Variants in HCRTR2 observed in about 807,000 individuals in gnomAD.
HCRTR2 encodes hypocretin receptor 2.
In HCRTR2, 22 loss-of-function variants were observed where a neutral mutation model predicts 49.0. The observed-to-expected ratio is 0.45, with a 90% CI of 0.32 to 0.64. The LOEUF (loss-of-function observed/expected upper bound fraction) is 0.64, where lower values mean the gene tolerates loss of function less well. Among genes scored for constraint, HCRTR2 ranks in the 30% least tolerant of loss-of-function variants. The pLI is 0.04. For missense variants in HCRTR2, 491 were observed against 559.4 expected (o/e 0.88, Z 1.23); for synonymous variants, 236 against 205.3 (o/e 1.15, Z -1.28).
intron 1 of HCRTR2, among the ~76,000 whole-genome samples, chr6:55,234,192 CA>C (rs1766170827): frequency 6.6e-6 from 1 of 152,114 alleles, no homozygotes; most frequent in Admixed American, 6.5e-5. Context: ...TCTCCAGGAT[CA>C]GATATTAATG....
intron 1 of HCRTR2, among the ~76,000 whole-genome samples, chr6:55,145,497 G>C (rs1764568266): frequency 6.6e-6 from 1 of 150,460 alleles, no homozygotes; most frequent in African/African-American, 2.4e-5. Context: ...TGCAAGCTCC[G>C]CCTCCCGGGT....
intron 1 of HCRTR2, among the ~76,000 whole-genome samples, chr6:55,112,560 A>C (rs1262765803): frequency 6.6e-6 from 1 of 151,668 alleles, no homozygotes; most frequent in Non-Finnish European, 1.5e-5. Context: ...AAAAAAAAAA[A>C]AAAAAACCTT....
At chr6:55,263,021 G>A (rs889623113) in intron 3 of HCRTR2, among the ~76,000 whole-genome samples, 1 of 151,392 alleles carries the variant, frequency 6.6e-6, no homozygotes, top group East Asian at 1.9e-4. Flanking sequence ...ATGTTATAAA[G>A]CCTTAAAATT....
At chr6:55,234,532 A>G (rs1766178360) in intron 1 of HCRTR2, among the ~76,000 whole-genome samples, 1 of 152,176 alleles carries the variant, frequency 6.6e-6, no homozygotes, top group Non-Finnish European at 1.5e-5. Context: ...ATCCTAAAGA[A>G]GGCATCAAAT....
intron 1 of HCRTR2, among the ~76,000 whole-genome samples, chr6:55,111,316 AG>A (rs1412908534): frequency 6.6e-6 from 1 of 151,966 alleles, no homozygotes; most frequent in East Asian, 1.9e-4. Context: ...GAAATAACAA[AG>A]ATCTGAGCAG....
chr6:55,196,934 T>C (rs1309780226), intron 1 of HCRTR2, among the ~76,000 whole-genome samples: 1 of 152,090 alleles, frequency 6.6e-6, no homozygotes, highest in African/African-American at 2.4e-5. Context: ...CTCAGTAACC[T>C]CAAATTTACC....
At chr6:55,279,114 T>G (rs1191761628) in intron 5 of HCRTR2, among the ~76,000 whole-genome samples, 2 of 152,066 alleles carry the variant, frequency 1.3e-5, no homozygotes, top group Admixed American at 6.6e-5. Context: ...TTTCAAGTTT[T>G]GGGGCATTCT....
intron 1 of HCRTR2, among the ~76,000 whole-genome samples, chr6:55,161,891 T>C (rs954699982): frequency 6.6e-6 from 1 of 152,108 alleles, no homozygotes; most frequent in Non-Finnish European, 1.5e-5. Flanking sequence ...CACAGCCAAA[T>C]TCTACAAGAG....
At chr6:55,270,933 T>C (rs1287936841) in intron 4 of HCRTR2, among the ~76,000 whole-genome samples, 5 of 152,196 alleles carry the variant, frequency 3.3e-5, no homozygotes, top group Admixed American at 6.5e-5. Context: ...TCTGTGTTTA[T>C]GGATTGGAAG....
intron 1 of HCRTR2, among the ~76,000 whole-genome samples, chr6:55,147,946 T>C (rs1283368878): frequency 6.7e-6 from 1 of 148,442 alleles, no homozygotes; most frequent in South Asian, 2.1e-4. Context: ...ATGTCATTGA[T>C]GTTTCCAATG....
intron 1 of HCRTR2, among the ~76,000 whole-genome samples, chr6:55,161,110 G>T (rs1581800686): frequency 1.3e-5 from 2 of 152,024 alleles, no homozygotes; most frequent in Non-Finnish European, 2.9e-5. Context: ...AAATGCCAAA[G>T]AACTAAAATC....
chr6:55,127,255 C>A (rs1012435742), intron 1 of HCRTR2, among the ~76,000 whole-genome samples: 1 of 152,114 alleles, frequency 6.6e-6, no homozygotes, highest in African/African-American at 2.4e-5. Context: ...ATGGGAGAAG[C>A]ACAGTATCTG....
At position 55,257,068 on chromosome 6, in the gene HCRTR2, A is replaced by G. The variant is rs1322286583; in HGVS notation, c.646+1689A>G. 3.9e-5 allele frequency among the ~76,000 whole-genome samples: 6 copies of G among 152,282 alleles called. No individual in the cohort carries two copies. In the South Asian group the frequency reaches 1.2e-3, roughly 32 times the overall value. The stretch of plus-strand genomic sequence containing the variant: ...ACTGAGAAGAGGGAAAAGGATGTCC[A>G]GAAAGCAAGAAAATCCACATCATGG... On this transcript the variant is annotated intron_variant, in intron 3 of 6. Transcript: ENST00000370862.
At chr6:55,245,501 A>ATC (rs1314487091) in intron 1 of HCRTR2, among the ~76,000 whole-genome samples, 16 of 128,842 alleles carry the variant, frequency 1.2e-4, no homozygotes, top group African/African-American at 1.2e-4. Context: ...ATATATATAT[A>ATC]TATATCTTCC....
At chr6:55,153,733 G>A (rs988405982) in intron 1 of HCRTR2, among the ~76,000 whole-genome samples, 1 of 151,298 alleles carries the variant, frequency 6.6e-6, no homozygotes, top group African/African-American at 2.4e-5. Context: ...TCAAAACTAG[G>A]GAAAACAGAC....
At chr6:55,193,098 C>G (rs1368422922) in intron 1 of HCRTR2, among the ~76,000 whole-genome samples, 1 of 152,118 alleles carries the variant, frequency 6.6e-6, no homozygotes, top group Non-Finnish European at 1.5e-5. Context: ...TTCATGTGTT[C>G]ACTCATTCAT....
chr6:55,245,389 A>G (rs1033371511), intron 1 of HCRTR2, among the ~76,000 whole-genome samples: 2 of 139,780 alleles, frequency 1.4e-5, no homozygotes, highest in African/African-American at 5.6e-5. Flanking sequence ...ATATATATGT[A>G]TATATATATA....
intron 1 of HCRTR2, among the ~76,000 whole-genome samples, chr6:55,158,002 C>T (rs1322365277): frequency 1.3e-5 from 2 of 152,126 alleles, no homozygotes; most frequent in African/African-American, 4.8e-5. Flanking sequence ...TAAGACCATC[C>T]AGGAGGTGGC....
At chr6:55,160,871 C>T (rs750151642) in intron 1 of HCRTR2, among the ~76,000 whole-genome samples, 6 of 152,020 alleles carry the variant, frequency 3.9e-5, no homozygotes, top group South Asian at 2.1e-4. Flanking sequence ...TAGACTCCCA[C>T]GTAATAATAG....
Sources: gnomAD v4.1 joint callset for allele counts (sites outside exome capture counted in the v4.1 genomes callset) on GRCh38, gnomAD v4.1.1 for gene constraint, MANE v1.5 for transcripts, NCBI Gene and HGNC (gene_info 2026-07-23, HGNC 2026-07-21) for gene names.